Variants in BCL2L15 observed in about 807,000 individuals in gnomAD.
BCL2L15 encodes the protein BCL2 like 15.
A neutral mutation model predicts 18.3 loss-of-function variants in BCL2L15; 15 were observed. The observed-to-expected ratio is 0.82, with a 90% CI of 0.55 to 1.26. BCL2L15 has a LOEUF of 1.26. BCL2L15 is among the 50% of genes most tolerant of loss of function. The pLI is 0.00. For missense variants in BCL2L15, 180 were observed against 201.7 expected (o/e 0.89, Z 0.65); for synonymous variants, 58 against 68.5 (o/e 0.85, Z 0.76).
In BCL2L15 at chr1:113,880,073, A is replaced by T. The variant is rs924850143; in HGVS notation, c.*1050T>A. The T allele has an allele frequency of 2.6e-5, 4 of 152,286 alleles. No homozygotes were observed. Among genetic ancestry groups the T allele is most frequent in the Admixed American group, 2.0e-4 (3 of 15,282 alleles). 9.4% of individuals were successfully genotyped at this position (152,286 alleles called of 1,614,324 possible). A position where few individuals can be genotyped will look rare whatever the true frequency, so the allele number is the denominator to read the frequency against. ...CAAGTGGTGTGTGAACCACACTTTT[A>T]AAGCTTTGTGTTATGCAGCTAGCTT... On this transcript the variant is annotated 3_prime_UTR_variant, in exon 4 of 4. Transcript: ENST00000393316.
At position 113,876,886 on chromosome 1, in the gene BCL2L15, G is replaced by T. The variant is rs567086595; in HGVS notation, c.*4237C>A. Among the ~76,000 whole-genome samples, 1 of 152,152 alleles carries T rather than the reference G, an allele frequency of 6.6e-6. No homozygotes were observed. Among genetic ancestry groups the T allele is most frequent in the African/African-American group, 2.4e-5 (1 of 41,438 alleles). Reference sequence around the variant, plus strand: ...GATGTACATGCCAGATAATGAAGAGGAGGGGTGTTACAGAAGTATACAACA... The same window carrying T: ...GATGTACATGCCAGATAATGAAGAGTAGGGGTGTTACAGAAGTATACAACA... On this transcript the variant is annotated 3_prime_UTR_variant, in exon 4 of 4. Transcript: ENST00000393316.
intron 2 of BCL2L15, among the ~76,000 whole-genome samples, chr1:113,884,315 C>A (rs1307014836): frequency 6.6e-6 from 1 of 152,136 alleles, no homozygotes; most frequent in East Asian, 1.9e-4. Context: ...AAACATCAAG[C>A]AAACCCCAGT....
rs146604347 is a variant in BCL2L15, at chr1:113,887,448, A to C, written c.-73T>G. On this transcript the variant is annotated 5_prime_UTR_variant, in exon 1 of 4. Coordinates refer to ENST00000393316, the MANE Select transcript of BCL2L15 (RefSeq NM_001010922.3). ...TTCAGCCCAGCAGGAAGTTAAAAAC[A>C]CTGGTAAATCAACAAATGTTTCTAC... The C allele has an allele frequency of 5.1e-3, 8,192 of 1,602,832 alleles. 63 individuals carry two copies. Among genetic ancestry groups the C allele is most frequent in the South Asian group, 0.017 (1,542 of 90,206 alleles).
In BCL2L15 at chr1:113,880,379, C is replaced by A. The variant is rs563722389; in HGVS notation, c.*744G>T. On this transcript the variant is annotated 3_prime_UTR_variant, in exon 4 of 4. Transcript: ENST00000393316. ...TGGTGGCTCACGCCTGTAATCCCAGCACTTTGGGAGGCCAAGGCGGGCGAA... is the reference window on the plus strand; with the variant it reads ...TGGTGGCTCACGCCTGTAATCCCAGAACTTTGGGAGGCCAAGGCGGGCGAA... 6.6e-6 allele frequency: 1 copy of A among 152,394 alleles called. No individual in the cohort carries two copies. The highest frequency in any genetic ancestry group is 2.1e-4 in the South Asian group (1 of 4,826). 9.4% of individuals were successfully genotyped at this position (152,394 alleles called of 1,614,324 possible).
At chr1:113,883,067 T>C (rs536218188) in intron 2 of BCL2L15, among the ~76,000 whole-genome samples, 41 of 152,020 alleles carry the variant, frequency 2.7e-4, no homozygotes, top group Non-Finnish European at 1.0e-4. Context: ...CCAAGCAAGA[T>C]CTGTGGGGAT....
Position 113,886,531 on chromosome 1 carries a change from C to T in BCL2L15, c.249+6G>A, listed in dbSNP as rs1224964240. ...AGCAAACAATAGCATGAAGTAGAAA[C>T]TTGACCTGTCCCTTAATGGTTTCTG... On this transcript the variant is annotated splice_donor_region_variant and intron_variant, in intron 2 of 3. Coordinates refer to ENST00000393316, the MANE Select transcript of BCL2L15 (RefSeq NM_001010922.3). The T allele has an allele frequency of 1.9e-6, 3 of 1,603,122 alleles. No homozygotes were observed. The highest frequency in any genetic ancestry group is 2.7e-5 in the African/African-American group (2 of 74,104).
rs756966006 is a variant in BCL2L15 at position 113,886,614 on chromosome 1, G to A, written c.172C>T (p.Arg58Trp). The part of the protein sequence containing the change: ...FDVAIIAGRL[R>W]MLGDQFNGEL... ...CCGTTGAACTGGTCACCCAACATCC[G>A]AAGGCGACCAGCAATGATAGCCACA... Residue 58 changes from arginine (R) to tryptophan (W), a missense_variant, in exon 2 of 4, where the codon CGG (arginine) becomes TGG (tryptophan). Arg to Trp is a moderately radical substitution (Grantham distance 101, BLOSUM62 -3). Transcript: ENST00000393316. 3.3e-5 allele frequency: 53 copies of A among 1,613,176 alleles called. No individual in the cohort carries two copies. The highest frequency in any genetic ancestry group is 1.6e-4 in the Middle Eastern group (1 of 6,078).
At chr1:113,881,322 G>T in intron 3 of BCL2L15, 182 bp from the exon 4 acceptor site, 1 of 1,074,266 alleles carries the variant, frequency 9.3e-7, no homozygotes, top group Non-Finnish European at 1.3e-6. Flanking sequence ...TAAAACATGG[G>T]CTTAGAATAC....
In BCL2L15 at chr1:113,881,896, C is replaced by A. The variant is rs1007181337; in HGVS notation, c.351G>T (p.Val117=). The change falls in exon 3 of 4, where the codon GTG becomes GTT. Residue 117 remains valine, a synonymous_variant. Coordinates refer to ENST00000393316, the MANE Select transcript of BCL2L15 (RefSeq NM_001010922.3). ...AYERAFLAVS[V]KLLEYMAHIA... ...TGTGAGCCATGTACTCAAGAAGTTT[C>A]ACTGACACTGCCAGAAAAGCTCTCT... The A allele has an allele frequency of 2.5e-6, 4 of 1,614,116 alleles. No homozygotes were observed. The African/African-American group carries it at 4.0e-5, about 16-fold the overall frequency.
intron 2 of BCL2L15, among the ~76,000 whole-genome samples, chr1:113,884,577 G>T (rs1206276473): frequency 6.6e-6 from 1 of 152,132 alleles, no homozygotes; most frequent in East Asian, 1.9e-4. Context: ...TTAGATTGTG[G>T]TTACATTACA....
In BCL2L15 at chr1:113,887,173, C is replaced by T. The variant is rs1261306988; in HGVS notation, c.127+76G>A. On this transcript the variant is annotated intron_variant, in intron 1 of 3. Coordinates refer to ENST00000393316, the MANE Select transcript of BCL2L15 (RefSeq NM_001010922.3). The stretch of plus-strand genomic sequence containing the variant: ...TTGGCCTCCCAAAGTGCTGGGATTA[C>T]GGGAATCAGTCACTGCGCCCGGCTG... The T allele has an allele frequency of 3.5e-5, 50 of 1,421,384 alleles. 1 individual carries two copies. In the South Asian group the frequency reaches 4.2e-4, roughly 12 times the overall value. 88.0% of individuals were successfully genotyped at this position (1,421,384 alleles called of 1,614,324 possible).
intron 2 of BCL2L15, 25 bp downstream of exon 2, chr1:113,886,512 C>A (rs140487072): frequency 6.9e-6 from 11 of 1,593,036 alleles, no homozygotes; most frequent in African/African-American, 1.4e-5. Flanking sequence ...AAGCAGCAAA[C>A]AATAGCATGA....
In BCL2L15 at chr1:113,880,177, C is replaced by A. The variant is rs1004995003; in HGVS notation, c.*946G>T. 1 of 152,270 alleles carries A rather than the reference C, an allele frequency of 6.6e-6. No homozygotes were observed. Among genetic ancestry groups the A allele is most frequent in the Non-Finnish European group, 1.5e-5 (1 of 68,036 alleles). 9.4% of individuals were successfully genotyped at this position (152,270 alleles called of 1,614,324 possible). A position where few individuals can be genotyped will look rare whatever the true frequency, so the allele number is the denominator to read the frequency against. On this transcript the variant is annotated 3_prime_UTR_variant, in exon 4 of 4. Coordinates refer to ENST00000393316, the MANE Select transcript of BCL2L15 (RefSeq NM_001010922.3). ...TCCTGTGGCAGTAAAAATGGAGTAA[C>A]TTTTATTTTCTTTGACCTTCCTAGT...
Position 113,880,823 on chromosome 1 carries a change from T to C in BCL2L15, c.*300A>G, listed in dbSNP as rs1666858860. 1 of 418,256 alleles carries C rather than the reference T, an allele frequency of 2.4e-6. No homozygotes were observed. The allele number at this position is 418,256 out of a possible 1,614,324, so 25.9% of individuals were successfully genotyped here. A position where few individuals can be genotyped will look rare whatever the true frequency, so the allele number is the denominator to read the frequency against. Reference sequence around the variant, plus strand: ...TTCCACTACTAACAAGTCATTACTTTGTGTCTAGGGGTCTTTGCTTCAACA... The same window carrying C: ...TTCCACTACTAACAAGTCATTACTTCGTGTCTAGGGGTCTTTGCTTCAACA... On this transcript the variant is annotated 3_prime_UTR_variant, in exon 4 of 4. Coordinates refer to ENST00000393316, the MANE Select transcript of BCL2L15 (RefSeq NM_001010922.3).
In BCL2L15 at chr1:113,880,580, C is replaced by A. The variant is rs367595283; in HGVS notation, c.*543G>T. On this transcript the variant is annotated 3_prime_UTR_variant, in exon 4 of 4. Transcript: ENST00000393316. ...GGTGGAGCTTGCAGTGAGCTGAGAT[C>A]GCACCACTGCACTCCAGCCTGGGTG... 1 of 152,808 alleles carries A rather than the reference C, an allele frequency of 6.5e-6. No homozygotes were observed. The highest frequency in any genetic ancestry group is 2.4e-5 in the African/African-American group (1 of 41,278). 9.5% of individuals were successfully genotyped at this position (152,808 alleles called of 1,614,324 possible). A position where few individuals can be genotyped will look rare whatever the true frequency, so the allele number is the denominator to read the frequency against.
intron 1 of BCL2L15, 132 bp downstream of exon 1, chr1:113,887,117 C>T: frequency 1.3e-6 from 1 of 797,222 alleles, no homozygotes. Flanking sequence ...AGGCGGATCT[C>T]AAACCCCTGA....
In BCL2L15 at chr1:113,877,099, G is replaced by A. The variant is rs1666747345; in HGVS notation, c.*4024C>T. The stretch of plus-strand genomic sequence containing the variant: ...GAGAAGGCTTCATGACAGTTGGGTT[G>A]GGTCTTGAAGATGTCTACAGGTAGA... On this transcript the variant is annotated 3_prime_UTR_variant, in exon 4 of 4. Coordinates refer to ENST00000393316, the MANE Select transcript of BCL2L15 (RefSeq NM_001010922.3). Among the ~76,000 whole-genome samples the A allele has an allele frequency of 6.6e-6, 1 of 152,074 alleles. No homozygotes were observed. Among genetic ancestry groups the A allele is most frequent in the African/African-American group, 2.4e-5 (1 of 41,392 alleles).
chr1:113,886,604 C>G lies in BCL2L15; in HGVS notation c.182G>C (p.Gly61Ala). 1 of 1,613,898 alleles carries G rather than the reference C, an allele frequency of 6.2e-7. No homozygotes were observed. Among genetic ancestry groups the G allele is most frequent in the South Asian group, 1.1e-5 (1 of 91,032 alleles). Reference protein sequence around the residue: ...AIIAGRLRMLGDQFNGELEAS... With the variant: ...AIIAGRLRMLADQFNGELEAS... ...TTCCAATTCTCCGTTGAACTGGTCA[C>G]CCAACATCCGAAGGCGACCAGCAAT... Residue 61 changes from glycine (G) to alanine (A), a missense_variant, in exon 2 of 4, where the codon GGT becomes GCT. By Grantham distance (60) the Gly-to-Ala change is moderately conservative. Transcript: ENST00000393316.
Position 113,882,116 on chromosome 1 carries a change from A to C in BCL2L15, c.250-119T>G, listed in dbSNP as rs531965292. Reference sequence around the variant, plus strand: ...AGTGCCAAATGTGCAACTGGTGGTAACTAAGGAAATCTTAGAGAGTAGATG... The same window carrying C: ...AGTGCCAAATGTGCAACTGGTGGTACCTAAGGAAATCTTAGAGAGTAGATG... On this transcript the variant is annotated intron_variant, in intron 2 of 3. Coordinates refer to ENST00000393316, the MANE Select transcript of BCL2L15 (RefSeq NM_001010922.3). The C allele has an allele frequency of 2.6e-4, 177 of 680,128 alleles. No individual in the cohort carries two copies. The Admixed American group carries it at 4.9e-3, about 19-fold the overall frequency. 42.1% of individuals were successfully genotyped at this position (680,128 alleles called of 1,614,324 possible).
Sources: allele counts gnomAD v4.1 joint callset (sites outside exome capture counted in the v4.1 genomes callset), GRCh38; gene constraint gnomAD v4.1.1; transcripts MANE v1.5; gene names NCBI Gene and HGNC (gene_info 2026-07-23, HGNC 2026-07-21).